ZBED4: variants seen among roughly 807,000 people sequenced by gnomAD.
The protein encoded by ZBED4 is zinc finger BED domain-containing protein 4.
In ZBED4, 4 loss-of-function variants were observed where a neutral mutation model predicts 15.5. The observed-to-expected ratio is 0.26, with a 90% confidence interval of 0.13 to 0.59. ZBED4 has a LOEUF of 0.59. Ranked by LOEUF, ZBED4 falls within the 20% of genes least tolerant of loss-of-function variation. ZBED4 has a pLI of 0.90. For synonymous variants in ZBED4, 692 were observed against 608.5 expected, an observed-to-expected ratio of 1.14 and a Z score of -2.02; for missense variants, 1,323 against 1,461.8, an observed-to-expected ratio of 0.91 and a Z score of 1.55.
rs146845099 is a variant in ZBED4 at position 49,886,839 on chromosome 22, C to T, written c.3177C>T (p.Ala1059=). 207 of 1,613,972 alleles carry T rather than the reference C, an allele frequency of 1.3e-4. No homozygotes were observed. In the Middle Eastern group the frequency reaches 1.7e-3, roughly 13 times the overall value. ...CTGGCTCCCCGTCGAAAGACTCTGC[C>T]GCAGAGGAGAACCTGTGGTCACTTG... ...CDAGSPSKDS[A]AEENLWSLVA... The change falls in exon 2 of 2, where the codon GCC becomes GCT. Residue 1059 remains alanine (A), a synonymous_variant. Coordinates refer to ENST00000216268, the MANE Select transcript of ZBED4 (RefSeq NM_014838.3). The surrounding 1 kb of genome is among the most constrained non-coding windows in gnomAD (Gnocchi z 7.7).
chr22:49,882,178 G>A (rs528098766), intron 1 of ZBED4, among the ~76,000 whole-genome samples: 9 of 152,286 alleles, frequency 5.9e-5, no homozygotes, highest in East Asian at 5.8e-4. Flanking sequence ...TAGGGATGGC[G>A]CACCTCTCCT....
At position 49,885,372 on chromosome 22, in the gene ZBED4, C is replaced by T. The variant is rs2060432531; in HGVS notation, c.1710C>T (p.Cys570=). 1.9e-6 allele frequency: 3 copies of T among 1,592,538 alleles called. No individual in the cohort carries two copies. Among genetic ancestry groups the T allele is most frequent in the Non-Finnish European group, 2.6e-6 (3 of 1,165,988 alleles). The change falls in exon 2 of 2, where the codon TGC becomes TGT. Residue 570 remains cysteine (C), a synonymous_variant. Coordinates refer to ENST00000216268, the MANE Select transcript of ZBED4 (RefSeq NM_014838.3). ...TSKLWNHFSI[C]SADSTKVVCL... is the part of the protein sequence containing the mutation. ...AGCTGTGGAATCATTTTTCTATTTG[C>T]TCCGCAGACTCCACAAAAGTCGTGT...
At chr22:49,858,899 G>T (rs1446732016) in intron 1 of ZBED4, among the ~76,000 whole-genome samples, 4 of 152,176 alleles carry the variant, frequency 2.6e-5, no homozygotes, top group African/African-American at 9.7e-5. Flanking sequence ...TCTGGCGGTG[G>T]GAGGCCTGAT....
Position 49,853,878 on chromosome 22 carries a change from G to C in ZBED4, c.-441G>C, listed in dbSNP as rs2060262654. ...GGCGGCGTCGCGGGCGGCGGGCGGC[G>C]GGGCCGCGGGAGGGGCGCGGGGGCA... On this transcript the variant is annotated 5_prime_UTR_variant, in exon 1 of 2. Coordinates refer to ENST00000216268, the MANE Select transcript of ZBED4 (RefSeq NM_014838.3). The C allele has an allele frequency of 6.9e-6, 1 of 144,832 alleles. No individual in the cohort carries two copies. Among genetic ancestry groups the C allele is most frequent in the Non-Finnish European group, 1.5e-5 (1 of 65,270 alleles). The allele number at this position is 144,832 out of a possible 1,614,324, so 9.0% of individuals were successfully genotyped here.
At chr22:49,862,885 A>G (rs1053383506) in intron 1 of ZBED4, among the ~76,000 whole-genome samples, 4 of 151,764 alleles carry the variant, frequency 2.6e-5, no homozygotes, top group African/African-American at 9.7e-5. Flanking sequence ...TAGTTTTAGT[A>G]GAGACAGGGT....
chr22:49,857,455 G>C (rs2060279272), intron 1 of ZBED4, among the ~76,000 whole-genome samples: 1 of 152,198 alleles, frequency 6.6e-6, no homozygotes, highest in South Asian at 2.1e-4. Flanking sequence ...CGTGGTCGCT[G>C]GCTTGCTCTG....
intron 1 of ZBED4, among the ~76,000 whole-genome samples, chr22:49,879,496 C>T (rs193008918): frequency 1.3e-5 from 2 of 151,826 alleles, no homozygotes; most frequent in African/African-American, 2.4e-5. Flanking sequence ...TATATCCGCT[C>T]TTACAATAGC....
At chr22:49,873,643 GA>G (rs10712037) in intron 1 of ZBED4, among the ~76,000 whole-genome samples, 39,689 of 151,964 alleles carry the variant, frequency 0.26, 10,336 homozygotes, top group African/African-American at 0.68. Flanking sequence ...CAATTTGGGG[GA>G]AAAAAAAGTA....
In ZBED4 at chr22:49,885,167, A is replaced by G. The variant is rs1367040612; in HGVS notation, c.1505A>G (p.Tyr502Cys). ...VGTSCLMRHL[Y>C]RRHPEVVGSQ... is the part of the protein sequence containing the mutation. ...ACCAGCTGCCTGATGAGACATCTCT[A>G]CCGGCGCCATCCAGAAGTTGTCGGG... is the stretch of plus-strand genomic sequence containing the variant. The change falls in exon 2 of 2, where the codon TAC becomes TGC. Residue 502 changes from tyrosine to cysteine, a missense_variant. Tyr to Cys is a radical substitution (Grantham distance 194). Transcript: ENST00000216268. 1 of 1,613,682 alleles carries G rather than the reference A, an allele frequency of 6.2e-7. No homozygotes were observed. Among genetic ancestry groups the G allele is most frequent in the Admixed American group, 1.7e-5 (1 of 59,986 alleles).
chr22:49,873,984 G>A (rs1046556996), intron 1 of ZBED4, among the ~76,000 whole-genome samples: 1 of 152,250 alleles, frequency 6.6e-6, no homozygotes, highest in African/African-American at 2.4e-5. Context: ...GGCCCGTGCC[G>A]AGAACAAGAA....
intron 1 of ZBED4, among the ~76,000 whole-genome samples, chr22:49,874,672 C>CTTTTTTTTTTTTTTTTTTT (rs10636316): frequency 2.7e-5 from 1 of 37,314 alleles, no homozygotes; most frequent in Non-Finnish European, 4.4e-5. Flanking sequence ...CATGCCCAGC[C>CTTTTTTTTTTTTTTTTTTT]TTTTTTTTTT....
At position 49,885,524 on chromosome 22, in the gene ZBED4, G is replaced by A. The variant is rs768410847; in HGVS notation, c.1862G>A (p.Arg621Gln). The change falls in exon 2 of 2, where the codon CGG becomes CAG. Residue 621 changes from arginine to glutamine, a missense_variant. Transcript: ENST00000216268. ...VLKTEVSETARPSSPDTRVPR... is the reference protein window; with the variant it reads ...VLKTEVSETAQPSSPDTRVPR... ...AAAACTGAGGTCTCGGAGACGGCTC[G>A]GCCCTCCTCTCCGGACACCCGGGTG... 61 of 1,608,568 alleles carry A rather than the reference G, an allele frequency of 3.8e-5. No individual in the cohort carries two copies. The highest frequency in any genetic ancestry group is 5.1e-5 in the Non-Finnish European group (60 of 1,175,402).
chr22:49,878,165 C>T (rs745406004), intron 1 of ZBED4, among the ~76,000 whole-genome samples: 1 of 152,032 alleles, frequency 6.6e-6, no homozygotes, highest in Admixed American at 6.6e-5. Context: ...ATTAGCCAGA[C>T]GTGGTGACAG....
intron 1 of ZBED4, among the ~76,000 whole-genome samples, chr22:49,875,847 G>GT (rs1427979701): frequency 6.6e-6 from 1 of 151,788 alleles, no homozygotes; most frequent in Non-Finnish European, 1.5e-5. Flanking sequence ...GGTAAATTCT[G>GT]TCTTCTCCAT....
intron 1 of ZBED4, among the ~76,000 whole-genome samples, chr22:49,878,109 A>G (rs376920675): frequency 2.0e-5 from 3 of 152,210 alleles, no homozygotes; most frequent in African/African-American, 7.2e-5. Flanking sequence ...ATTCAAGACA[A>G]TCCTGGCCAA....
intron 1 of ZBED4, among the ~76,000 whole-genome samples, chr22:49,878,891 C>A (rs1601797640): frequency 6.6e-6 from 1 of 151,738 alleles, no homozygotes. Context: ...ATGCATGTAA[C>A]CCCAACACTT....
At chr22:49,875,418 C>CTTTTTTT (rs55993655) in intron 1 of ZBED4, among the ~76,000 whole-genome samples, 1 of 145,172 alleles carries the variant, frequency 6.9e-6, no homozygotes. Context: ...AATTTATTTT[C>CTTTTTTT]TTTTTTTTTT....
In ZBED4 at chr22:49,885,581, C is replaced by T. The variant is rs773175941; in HGVS notation, c.1919C>T (p.Ser640Phe). 7 of 1,604,818 alleles carry T rather than the reference C, an allele frequency of 4.4e-6. No homozygotes were observed. The highest frequency in any genetic ancestry group is 1.1e-5 in the South Asian group (1 of 90,902). Residue 640 changes from serine (S) to phenylalanine (F), a missense_variant, in exon 2 of 2, where the codon TCT becomes TTT. By Grantham distance (155) the Ser-to-Phe change is radical. Around this residue, in one of 6 missense-constraint regions of ZBED4, gnomAD observed 429 missense variants for 397.9 expected, o/e 1.08. Transcript: ENST00000216268. ...GGCACAGAATTATCAGGCGCTTCCT[C>T]TTTTGATGACACCAATGAGAAGTTT... ...PRGTELSGAS[S>F]FDDTNEKFYD...
At chr22:49,853,480 G>A (rs2060259798), upstream of ZBED4, 1 of 152,336 alleles carries the variant, frequency 6.6e-6, no homozygotes, top group Non-Finnish European at 1.5e-5. Context: ...AACCCGCGGT[G>A]GGCCGTTGGG....
Sources: allele counts gnomAD v4.1 joint callset (sites outside exome capture counted in the v4.1 genomes callset), GRCh38; gene constraint gnomAD v4.1.1; regional missense constraint gnomAD v4.1.1; non-coding constraint Gnocchi (gnomAD v3.1); transcripts MANE v1.5; gene names NCBI Gene and HGNC (gene_info 2026-07-23, HGNC 2026-07-21).